The following UNC13C variants were observed in gnomAD, a reference collection of about 807,000 sequenced individuals.
The protein encoded by UNC13C is protein unc-13 homolog C.
Under a neutral mutation model 245.4 loss-of-function variants are expected in UNC13C, and 174 were observed. The observed-to-expected ratio is 0.71, with a 90% CI of 0.63 to 0.80. The LOEUF is 0.80. UNC13C is among the 30% of genes least tolerant of loss of function. The pLI is 0.00. For synonymous variants in UNC13C, 992 were observed against 895.1 expected, an observed-to-expected ratio of 1.11 and a Z score of -1.93; for missense variants, 2,829 against 2,602.9, an observed-to-expected ratio of 1.09 and a Z score of -1.89.
intron 13 of UNC13C, among the ~76,000 whole-genome samples, chr15:54,318,841 C>T (rs1164516407): frequency 1.3e-5 from 2 of 151,830 alleles, no homozygotes; most frequent in African/African-American, 4.8e-5. Context: ...TCATTTTTTA[C>T]ATAAATCTTT....
chr15:54,416,070 G>A (rs1452094686), intron 19 of UNC13C, among the ~76,000 whole-genome samples: 1 of 152,186 alleles, frequency 6.6e-6, no homozygotes, highest in Non-Finnish European at 1.5e-5. Flanking sequence ...GAAAGAGGTA[G>A]CAAGAAGTAA....
chr15:54,455,227 A>ATATATATG (rs1891439237), intron 19 of UNC13C, among the ~76,000 whole-genome samples: 1 of 84,478 alleles, frequency 1.2e-5, no homozygotes, highest in African/African-American at 3.7e-5. Context: ...ATATATATAT[A>ATATATATG]TATATATATA....
chr15:54,222,570 C>G (rs1267903518), intron 4 of UNC13C, among the ~76,000 whole-genome samples: 1 of 152,014 alleles, frequency 6.6e-6, no homozygotes, highest in East Asian at 1.9e-4. Flanking sequence ...GCAGGTATCT[C>G]TTCAGTATAC....
Position 54,338,351 on chromosome 15 carries a change from T to C in UNC13C, c.4585-10T>C. 1 of 1,597,138 alleles carries C rather than the reference T, an allele frequency of 6.3e-7. No homozygotes were observed. The highest frequency in any genetic ancestry group is 8.5e-7 in the Non-Finnish European group (1 of 1,170,510). On this transcript the variant is annotated splice_polypyrimidine_tract_variant and intron_variant, in intron 16 of 32. Transcript: ENST00000260323. Reference sequence around the variant, plus strand: ...TTGCATTTGAGAAAATAAATGTCTGTCTTTGTCAGGTTCTGGAGCTGCAAA... The same window carrying C: ...TTGCATTTGAGAAAATAAATGTCTGCCTTTGTCAGGTTCTGGAGCTGCAAA...
chr15:54,219,136 G>T lies in UNC13C; in HGVS notation c.3072-15894G>T, dbSNP rs543585640. ...ATGGAACCAAAAAAGAGACCGCATT[G>T]CCAAGTCAATCCTAAGCCAAAAGAA... On this transcript the variant is annotated intron_variant, in intron 4 of 32. Transcript: ENST00000260323. Among the ~76,000 whole-genome samples, 10 of 152,050 alleles carry T rather than the reference G, an allele frequency of 6.6e-5. No individual in the cohort carries two copies. In the East Asian group the frequency reaches 1.7e-3, roughly 26 times the overall value.
intron 2 of UNC13C, among the ~76,000 whole-genome samples, chr15:54,133,036 T>C (rs2031523984): frequency 6.6e-6 from 1 of 152,230 alleles, no homozygotes; most frequent in Non-Finnish European, 1.5e-5. Flanking sequence ...CTATCCATCT[T>C]AATCTTAAAT....
chr15:54,289,256 A>G (rs1310467437), intron 10 of UNC13C, among the ~76,000 whole-genome samples: 2 of 152,042 alleles, frequency 1.3e-5, no homozygotes, highest in African/African-American at 4.8e-5. Flanking sequence ...ATCTCTGTGT[A>G]TGGTAGTATA....
chr15:54,572,232 T>G (rs1332264236), intron 30 of UNC13C, among the ~76,000 whole-genome samples: 1 of 152,066 alleles, frequency 6.6e-6, no homozygotes, highest in Non-Finnish European at 1.5e-5. Context: ...CTCACTACCT[T>G]GAATGAATGT....
At chr15:54,448,647 T>C (rs1890972902) in intron 19 of UNC13C, among the ~76,000 whole-genome samples, 1 of 152,232 alleles carries the variant, frequency 6.6e-6, no homozygotes, top group Admixed American at 6.5e-5. Context: ...CTCCATCCTT[T>C]TATTTTCAGC....
chr15:54,517,990 A>G (rs1895053891), intron 24 of UNC13C, among the ~76,000 whole-genome samples: 1 of 152,212 alleles, frequency 6.6e-6, no homozygotes. Flanking sequence ...GCAACCAGTT[A>G]TAGCTTCATA....
chr15:53,922,587 CT>C, the UNC13C span, among the ~76,000 whole-genome samples: 1 of 152,094 alleles, frequency 6.6e-6, no homozygotes, highest in Non-Finnish European at 1.5e-5. Flanking sequence ...TTCTTTATTC[CT>C]TTTTATATTA....
intron 28 of UNC13C, among the ~76,000 whole-genome samples, chr15:54,552,634 A>T (rs1251317253): frequency 2.7e-5 from 2 of 73,848 alleles, no homozygotes; most frequent in African/African-American, 6.5e-5. Flanking sequence ...TATATTGTAC[A>T]ATATAATATA....
chr15:54,221,316 G>C (rs2035217833), intron 4 of UNC13C, among the ~76,000 whole-genome samples: 1 of 151,762 alleles, frequency 6.6e-6, no homozygotes, highest in Admixed American at 6.6e-5. Flanking sequence ...AAAATCGTTA[G>C]GATAAATTGT....
chr15:54,284,606 C>T (rs539208677), intron 10 of UNC13C, among the ~76,000 whole-genome samples: 190 of 149,854 alleles, frequency 1.3e-3, no homozygotes, highest in African/African-American at 4.3e-3. Context: ...GAAATCACCA[C>T]GAGCACATGT....
intron 4 of UNC13C, among the ~76,000 whole-genome samples, chr15:54,174,988 C>T (rs1309858096): frequency 6.6e-6 from 1 of 152,132 alleles, no homozygotes; most frequent in East Asian, 1.9e-4. Flanking sequence ...AGCCTATTGA[C>T]CCCACATGTT....
chr15:54,342,727 T>C (rs1371448002), intron 17 of UNC13C, among the ~76,000 whole-genome samples: 1 of 152,216 alleles, frequency 6.6e-6, no homozygotes, highest in Non-Finnish European at 1.5e-5. Flanking sequence ...TCTTCCAAAC[T>C]GGATTTTTAG....
intron 23 of UNC13C, among the ~76,000 whole-genome samples, chr15:54,508,938 AC>A (rs1485854409): frequency 6.6e-6 from 1 of 152,132 alleles, no homozygotes; most frequent in Non-Finnish European, 1.5e-5. Context: ...GGTGGCTCAC[AC>A]CCATAATTCC....
chr15:54,203,645 ACTC>A (rs2034600247), intron 4 of UNC13C, among the ~76,000 whole-genome samples: 1 of 147,902 alleles, frequency 6.8e-6, no homozygotes, highest in African/African-American at 2.5e-5. Context: ...ATGGAATACT[ACTC>A]AGTCATAATA....
At chr15:54,363,319 G>A (rs1386174671) in intron 17 of UNC13C, among the ~76,000 whole-genome samples, 1 of 152,146 alleles carries the variant, frequency 6.6e-6, no homozygotes, top group Admixed American at 6.5e-5. Flanking sequence ...ATGTTGGCCA[G>A]GCTGGTCTTG....
Sources: gnomAD v4.1 joint callset for allele counts (sites outside exome capture counted in the v4.1 genomes callset) on GRCh38, gnomAD v4.1.1 for gene constraint, MANE v1.5 for transcripts, NCBI Gene and HGNC (gene_info 2026-07-23, HGNC 2026-07-21) for gene names.